The following DPP10 variants were observed in gnomAD, a reference collection of about 807,000 sequenced individuals.
DPP10 encodes dipeptidyl peptidase like 10, also known as inactive dipeptidyl peptidase 10.
A neutral mutation model predicts 120.9 loss-of-function variants in DPP10; 33 were observed. The observed-to-expected ratio is 0.27, with a 90% CI of 0.21 to 0.37. The LOEUF (loss-of-function observed/expected upper bound fraction) is 0.37. Ranked by LOEUF, DPP10 falls within the 10% of genes least tolerant of loss-of-function variation. The probability of loss-of-function intolerance (pLI) is 1.00; values close to 1 mark genes in which losing one functional copy is unlikely to be tolerated. For missense variants in DPP10, 816 were observed against 942.8 expected (o/e 0.87, Z 1.76); for synonymous variants, 337 against 326.1 (o/e 1.03, Z -0.36).
chr2:115,355,843 T>C (rs1423334837), intron 3 of DPP10, among the ~76,000 whole-genome samples: 2 of 152,200 alleles, frequency 1.3e-5, no homozygotes, highest in Non-Finnish European at 2.9e-5. Context: ...TTTTGTCAGG[T>C]TTGTAAAAGA....
In DPP10 at chr2:114,881,457, G is replaced by GTCTGTCTATCTA. The variant is rs140898800; in HGVS notation, c.61-427779_61-427778insGTCTATCTATCT. On this transcript the variant is annotated intron_variant, in intron 1 of 25. Coordinates refer to ENST00000410059, the MANE Select transcript of DPP10 (RefSeq NM_020868.6). ...TCTTTACCTATCTGTCTGTCTGTCT[G>GTCTGTCTATCTA]TCTATCTATCTATCTATCTATCTAT... Among the ~76,000 whole-genome samples, 302 of 144,336 alleles carry GTCTGTCTATCTA rather than the reference G, an allele frequency of 2.1e-3. 1 individual carries two copies. Among genetic ancestry groups the GTCTGTCTATCTA allele is most frequent in the South Asian group, 4.2e-3 (19 of 4,474 alleles). 94.7% of individuals were successfully genotyped at this position (144,336 alleles called of 152,430 possible). A position where few individuals can be genotyped will look rare whatever the true frequency, so the allele number is the denominator to read the frequency against.
chr2:114,564,648 A>G (rs1689062031), intron 1 of DPP10, among the ~76,000 whole-genome samples: 1 of 152,186 alleles, frequency 6.6e-6, no homozygotes, highest in South Asian at 2.1e-4. Flanking sequence ...TATCTTATAC[A>G]TAGTAGACAT....
intron 19 of DPP10, among the ~76,000 whole-genome samples, chr2:115,799,081 T>C (rs1684868704): frequency 6.6e-6 from 1 of 152,112 alleles, no homozygotes; most frequent in Non-Finnish European, 1.5e-5. Flanking sequence ...TTTTAGCTTT[T>C]TTATTAAGGT....
intron 1 of DPP10, among the ~76,000 whole-genome samples, chr2:115,099,549 A>T (rs1034359869): frequency 1.3e-5 from 2 of 152,172 alleles, no homozygotes; most frequent in African/African-American, 4.8e-5. Flanking sequence ...AGGACCTTTA[A>T]ACCTCTAGAA....
At chr2:114,668,180 G>A (rs1698073925) in intron 1 of DPP10, among the ~76,000 whole-genome samples, 1 of 152,126 alleles carries the variant, frequency 6.6e-6, no homozygotes, top group Admixed American at 6.6e-5. Context: ...TCTACAAGCT[G>A]AAGAAACAGG....
intron 5 of DPP10, among the ~76,000 whole-genome samples, chr2:115,573,839 G>A (rs1558869789): frequency 6.6e-6 from 1 of 151,356 alleles, no homozygotes; most frequent in Non-Finnish European, 1.5e-5. Flanking sequence ...ACAGGTGTGA[G>A]TCATCACGCC....
chr2:115,166,263 C>T (rs966759716), intron 1 of DPP10, among the ~76,000 whole-genome samples: 5 of 151,742 alleles, frequency 3.3e-5, no homozygotes, highest in African/African-American at 1.2e-4. Context: ...TTTTAAAACA[C>T]AACCATGAAA....
chr2:114,446,464 T>C (rs897707433), intron 1 of DPP10, among the ~76,000 whole-genome samples: 2 of 152,212 alleles, frequency 1.3e-5, no homozygotes, highest in Non-Finnish European at 2.9e-5. Flanking sequence ...ATGGTAACTC[T>C]GAAATACAGT....
intron 1 of DPP10, among the ~76,000 whole-genome samples, chr2:115,071,298 G>A (rs949333913): frequency 6.6e-6 from 1 of 151,882 alleles, no homozygotes; most frequent in Non-Finnish European, 1.5e-5. Context: ...CACGTCCCAT[G>A]CAGTGTATGG....
At chr2:114,443,550 G>A (rs1677775557) in intron 1 of DPP10, among the ~76,000 whole-genome samples, 1 of 151,732 alleles carries the variant, frequency 6.6e-6, no homozygotes, top group South Asian at 2.1e-4. Flanking sequence ...TTTTTATTCG[G>A]GATGCTCTTA....
chr2:114,503,236 G>A (rs757962569), intron 1 of DPP10, among the ~76,000 whole-genome samples: 1 of 152,202 alleles, frequency 6.6e-6, no homozygotes, highest in Non-Finnish European at 1.5e-5. Context: ...TAGTACATCT[G>A]TGATATTTGC....
At chr2:114,573,196 C>A (rs1392710035) in intron 1 of DPP10, among the ~76,000 whole-genome samples, 1 of 152,174 alleles carries the variant, frequency 6.6e-6, no homozygotes, top group Non-Finnish European at 1.5e-5. Flanking sequence ...GTTGTCCAGG[C>A]TGGTCTTGAA....
At chr2:115,627,797 G>C (rs908884529) in intron 5 of DPP10, among the ~76,000 whole-genome samples, 2 of 152,050 alleles carry the variant, frequency 1.3e-5, no homozygotes, top group South Asian at 4.1e-4. Context: ...TTCTGTTCCT[G>C]TGTTAGTTTG....
chr2:114,901,934 A>G (rs1392257218), intron 1 of DPP10, among the ~76,000 whole-genome samples: 1 of 152,244 alleles, frequency 6.6e-6, no homozygotes, highest in African/African-American at 2.4e-5. Context: ...GTCAAGAGCA[A>G]AGATTATGGC....
At chr2:115,657,051 A>G (rs928642620) in intron 5 of DPP10, among the ~76,000 whole-genome samples, 6 of 151,690 alleles carry the variant, frequency 4.0e-5, no homozygotes, top group Non-Finnish European at 1.5e-5. Context: ...GGTAGACATG[A>G]TTTATTGTAG....
In DPP10 at chr2:114,650,619, A is replaced by G. The variant is rs74499546; in HGVS notation, c.60+207781A>G. Among the ~76,000 whole-genome samples the G allele has an allele frequency of 7.1e-3, 1,074 of 152,324 alleles. 11 individuals are homozygous for G. The highest frequency in any genetic ancestry group is 0.025 in the African/African-American group (1,020 of 41,572). On this transcript the variant is annotated intron_variant, in intron 1 of 25. Coordinates refer to ENST00000410059, the MANE Select transcript of DPP10 (RefSeq NM_020868.6). ...CATTAGTTTACATGAGAGAAAAGGAATTAGAAAGATAAGGAGTCTAAGAAA... is the reference window on the plus strand; with the variant it reads ...CATTAGTTTACATGAGAGAAAAGGAGTTAGAAAGATAAGGAGTCTAAGAAA...
intron 3 of DPP10, among the ~76,000 whole-genome samples, chr2:115,406,415 C>T (rs963732450): frequency 6.6e-6 from 1 of 152,080 alleles, no homozygotes; most frequent in Non-Finnish European, 1.5e-5. Flanking sequence ...ATCCTTAATG[C>T]TCCACATACA....
intron 1 of DPP10, among the ~76,000 whole-genome samples, chr2:114,735,457 G>A (rs1417736037): frequency 4.6e-5 from 7 of 152,144 alleles, no homozygotes; most frequent in African/African-American, 1.4e-4. Flanking sequence ...AAATCTTTCA[G>A]ATGGTTTTTA....
chr2:115,753,250 A>G lies in DPP10; in HGVS notation c.1027A>G (p.Ile343Val), dbSNP rs377189934. Residue 343 changes from isoleucine (I) to valine (V), a missense_variant, in exon 11 of 26, where the codon ATC becomes GTC. By Grantham distance (29) the Ile-to-Val change is conservative. Around this residue, in one of 3 missense-constraint regions of DPP10, gnomAD observed 592 missense variants for 649.0 expected, o/e 0.91. Transcript: ENST00000410059. ...VVRWLNRAQN[I>V]SILTVCETTT... ...AAGATGGTTAAACCGAGCTCAGAAC[A>G]TCTCCATCCTCACAGTCTGTGAGAC... 7.7e-5 allele frequency: 124 copies of G among 1,612,002 alleles called. 1 individual carries two copies. Among genetic ancestry groups the G allele is most frequent in the Middle Eastern group, 6.6e-4 (4 of 6,044 alleles).
Sources: gnomAD v4.1 joint callset for allele counts (sites outside exome capture counted in the v4.1 genomes callset) on GRCh38, gnomAD v4.1.1 for gene constraint, gnomAD v4.1.1 regional missense constraint, MANE v1.5 for transcripts, NCBI Gene and HGNC (gene_info 2026-07-23, HGNC 2026-07-21) for gene names.